POM121: variants seen among roughly 807,000 people sequenced by gnomAD.
POM121 encodes the protein nuclear envelope pore membrane protein POM 121.
In POM121, 32 loss-of-function variants were observed where a neutral mutation model predicts 81.3. The ratio of observed to expected loss-of-function variants is 0.39; its 90% CI spans 0.30 to 0.53. The LOEUF (loss-of-function observed/expected upper bound fraction) is 0.53, where lower values mean the gene tolerates loss of function less well. Ranked by LOEUF, POM121 falls within the 20% of genes least tolerant of loss-of-function variation. POM121 has a pLI of 0.66. For missense variants in POM121, 1,138 were observed against 1,614.6 expected, an observed-to-expected ratio of 0.70 and a Z score of 5.06; for synonymous variants, 514 against 694.2, an observed-to-expected ratio of 0.74 and a Z score of 4.08.
At chr7:72,915,159 T>C (rs1447759693) in intron 4 of POM121, among the ~76,000 whole-genome samples, 23 of 152,204 alleles carry the variant, frequency 1.5e-4, no homozygotes, top group African/African-American at 3.6e-4. Context: ...TCCCTGGTAA[T>C]GTTAGATTGT....
intron 3 of POM121, among the ~76,000 whole-genome samples, chr7:72,901,622 G>C (rs1792660571): frequency 1.3e-5 from 2 of 151,878 alleles, no homozygotes; most frequent in African/African-American, 4.8e-5. Flanking sequence ...CAAAGTGCTG[G>C]GATTACAGGC....
chr7:72,924,855 G>C (rs138092648), upstream of POM121: 251 of 462,606 alleles, frequency 5.4e-4, no homozygotes, highest in East Asian at 7.4e-3. Context: ...GTAAGCATAG[G>C]TCTCGGGCCC....
At chr7:72,914,465 A>G (rs1362395344) in intron 4 of POM121, among the ~76,000 whole-genome samples, 15 of 147,796 alleles carry the variant, frequency 1.0e-4, no homozygotes, top group Non-Finnish European at 1.9e-4. Flanking sequence ...TCACTTCTTT[A>G]TACTCATTAA....
intron 5 of POM121, among the ~76,000 whole-genome samples, chr7:72,935,807 CCTTCATATATGCTATTCTAAAT>C (rs1554499359): frequency 5.3e-5 from 8 of 151,932 alleles, no homozygotes; most frequent in African/African-American, 1.7e-4. Flanking sequence ...CTAAATAGTG[CCTTCATATATGCTATTCTAAAT>C]AGTGCCTTCA....
upstream of POM121, chr7:72,924,959 T>C: frequency 8.1e-7 from 1 of 1,233,684 alleles, no homozygotes; most frequent in East Asian, 3.2e-5. Flanking sequence ...GAAACAGGCG[T>C]TAAAGGCAGG....
At chr7:72,949,105 A>G (rs1554504188), downstream of POM121, 4 of 1,601,634 alleles carry the variant, frequency 2.5e-6, no homozygotes, top group African/African-American at 1.3e-5. Flanking sequence ...CGGCATACCT[A>G]AGGAAAAGCG....
intron 5 of POM121, among the ~76,000 whole-genome samples, chr7:72,931,756 A>T (rs1461191983): frequency 1.3e-5 from 2 of 152,196 alleles, no homozygotes; most frequent in African/African-American, 4.8e-5. Flanking sequence ...TTTTTAGTAG[A>T]GACGAGATTT....
chr7:72,881,218 C>G (rs1327276415), intron 1 of POM121, among the ~76,000 whole-genome samples: 3 of 151,988 alleles, frequency 2.0e-5, no homozygotes, highest in Non-Finnish European at 4.4e-5. Flanking sequence ...GCATGTGACA[C>G]TATGCCTGGC....
exon 1 of POM121, chr7:72,879,844 C>T (rs1789951230): frequency 2.0e-6 from 1 of 511,238 alleles, no homozygotes; most frequent in Admixed American, 2.0e-5. Context: ...CCGCCCCGGC[C>T]TCTCGGGAGC....
chr7:72,939,550 C>T, intron 7 of POM121, 141 bp downstream of exon 7: 2 of 1,383,038 alleles, frequency 1.4e-6, no homozygotes, highest in Non-Finnish European at 1.9e-6. Flanking sequence ...GAGATTTCCT[C>T]TCCTTCAGAA....
chr7:72,912,594 G>A (rs567167783), intron 3 of POM121, among the ~76,000 whole-genome samples: 45 of 152,224 alleles, frequency 3.0e-4, no homozygotes, highest in African/African-American at 9.9e-4. Flanking sequence ...GGCCAACATG[G>A]TGAAACCCCG....
intron 4 of POM121, among the ~76,000 whole-genome samples, chr7:72,917,470 C>G (rs1461707404): frequency 6.7e-6 from 1 of 149,130 alleles, no homozygotes; most frequent in Admixed American, 6.6e-5. Flanking sequence ...GGAATTCTCC[C>G]CAGCTTTTCT....
chr7:72,942,893 AC>A lies in POM121; in HGVS notation c.2905del (p.Gln969SerfsTer46), dbSNP rs1418663289. Reference sequence around the variant, plus strand: ...CCGCTCCCATCATATCCGGGAGCCAACCCCCAGCCCGCATTTGGGGCCGCTG... The same window carrying A: ...CCGCTCCCATCATATCCGGGAGCCAACCCCAGCCCGCATTTGGGGCCGCTG... ...KSPLPSYPGANPQPAFGAAEG... is the reference protein window; with the variant it reads ...KSPLPSYPGAXPQPAFGAAEG... On this transcript the variant is annotated frameshift_variant, in exon 11 of 13. Transcript: ENST00000434423. LOFTEE classifies it high-confidence loss of function. 5 of 1,599,958 alleles carry A rather than the reference AC, an allele frequency of 3.1e-6. No individual in the cohort carries two copies. The highest frequency in any genetic ancestry group is 4.3e-6 in the Non-Finnish European group (5 of 1,173,986).
chr7:72,943,473 G>A lies in POM121; in HGVS notation c.3480G>A (p.Pro1160=), dbSNP rs530553096. The change falls in exon 11 of 13, where the codon CCG becomes CCA. Residue 1160 remains proline, a synonymous_variant. Transcript: ENST00000434423. The stretch of plus-strand genomic sequence containing the variant: ...TGGGCACCACCGGCCAGAGCACACC[G>A]TTTGCCTTCAACGTGAGCAGCACAA... ...NALGTTGQST[P]FAFNVSSTTE... is the part of the protein sequence containing the mutation. The A allele has an allele frequency of 2.6e-5, 42 of 1,612,750 alleles. No individual in the cohort carries two copies. The South Asian group carries it at 2.9e-4, about 11-fold the overall frequency.
Position 72,889,454 on chromosome 7 carries a change from A to G in POM121, c.-520-1173A>G, listed in dbSNP as rs573132991. ...ATGCTGGCTCAAGCCTGTAATCCCA[A>G]TACTTTGGGAGGCCAAGGCAGGTGG... On this transcript the variant is annotated intron_variant, in intron 1 of 15. Coordinates refer to the POM121 transcript ENST00000395270. 2.6e-5 allele frequency among the ~76,000 whole-genome samples: 4 copies of G among 152,010 alleles called. No individual in the cohort carries two copies. In the South Asian group the frequency reaches 8.3e-4, roughly 32 times the overall value.
intron 5 of POM121, among the ~76,000 whole-genome samples, chr7:72,930,533 G>A (rs1310375298): frequency 8.5e-5 from 13 of 152,232 alleles, no homozygotes; most frequent in Admixed American, 3.9e-4. Flanking sequence ...GATTCGAAAG[G>A]TAGACTGAGT....
chr7:72,929,369 A>C (rs1367928649), intron 4 of POM121, among the ~76,000 whole-genome samples: 2 of 152,112 alleles, frequency 1.3e-5, no homozygotes, highest in African/African-American at 4.8e-5. Flanking sequence ...GACGTGGGTC[A>C]CTCTAGGAGA....
At chr7:72,930,654 A>T (rs237928) in intron 5 of POM121, among the ~76,000 whole-genome samples, 2 of 152,230 alleles carry the variant, frequency 1.3e-5, no homozygotes, top group African/African-American at 2.4e-5. Context: ...ATCGCATAGT[A>T]TAGGGAACAG....
At chr7:72,932,422 CT>C (rs1563160884) in intron 5 of POM121, among the ~76,000 whole-genome samples, 1 of 151,196 alleles carries the variant, frequency 6.6e-6, no homozygotes, top group Non-Finnish European at 1.5e-5. Flanking sequence ...AGAAACTCAT[CT>C]TTGGTCTTAA....
Sources: allele counts gnomAD v4.1 joint callset (sites outside exome capture counted in the v4.1 genomes callset), GRCh38; gene constraint gnomAD v4.1.1; transcripts MANE v1.5; gene names NCBI Gene and HGNC (gene_info 2026-07-23, HGNC 2026-07-21).